NELL1: variants seen among roughly 807,000 people sequenced by gnomAD.
NELL1 encodes the protein neural EGFL like 1, also known as protein kinase C-binding protein NELL1.
Under a neutral mutation model 107.4 loss-of-function variants are expected in NELL1, and 76 were observed. The ratio of observed to expected loss-of-function variants is 0.71; its 90% CI spans 0.59 to 0.86. The LOEUF is 0.86. NELL1 is among the 40% of genes least tolerant of loss of function. NELL1 has a pLI of 0.00. For synonymous variants in NELL1, 353 were observed against 341.2 expected (o/e 1.03, Z -0.38); for missense variants, 1,024 against 1,005.5 (o/e 1.02, Z -0.25).
At chr11:21,039,238 T>A (rs1342327916) in intron 12 of NELL1, among the ~76,000 whole-genome samples, 2 of 151,778 alleles carry the variant, frequency 1.3e-5, no homozygotes, top group Non-Finnish European at 2.9e-5. Context: ...CGGGCTGGAG[T>A]GCACTGGTGC....
At chr11:21,512,892 G>A (rs1855473966) in intron 15 of NELL1, among the ~76,000 whole-genome samples, 1 of 152,126 alleles carries the variant, frequency 6.6e-6, no homozygotes, top group Non-Finnish European at 1.5e-5. Flanking sequence ...TACCGCCAAT[G>A]CTTGAACATG....
At chr11:20,844,018 T>C (rs1848663795) in intron 3 of NELL1, among the ~76,000 whole-genome samples, 1 of 152,206 alleles carries the variant, frequency 6.6e-6, no homozygotes, top group African/African-American at 2.4e-5. Context: ...CATAACATTT[T>C]GTGTTCAAGG....
At chr11:20,964,706 TC>T (rs1225289516) in intron 12 of NELL1, among the ~76,000 whole-genome samples, 3 of 152,182 alleles carry the variant, frequency 2.0e-5, no homozygotes, top group African/African-American at 7.2e-5. Flanking sequence ...TTGGTTGCCC[TC>T]CCGATTTTGC....
At chr11:20,980,033 A>G (rs1315993864) in intron 12 of NELL1, among the ~76,000 whole-genome samples, 5 of 152,166 alleles carry the variant, frequency 3.3e-5, no homozygotes, top group African/African-American at 2.4e-5. Context: ...ATTGGTCAGG[A>G]TGCATTTTTC....
chr11:21,379,682 C>T (rs375980937), intron 15 of NELL1, among the ~76,000 whole-genome samples: 5 of 151,924 alleles, frequency 3.3e-5, no homozygotes, highest in African/African-American at 7.2e-5. Flanking sequence ...ATTTTTTGAA[C>T]CTTTTCTAAA....
chr11:21,051,531 A>G (rs1277820408), intron 12 of NELL1, among the ~76,000 whole-genome samples: 1 of 152,154 alleles, frequency 6.6e-6, no homozygotes, highest in Non-Finnish European at 1.5e-5. Flanking sequence ...AAAACTTGAG[A>G]AAAGTAATAA....
chr11:20,975,967 T>TTA lies in NELL1; in HGVS notation c.1300+15415_1300+15416dup, dbSNP rs888544317. Among the ~76,000 whole-genome samples, 5 of 99,188 alleles carry TTA rather than the reference T, an allele frequency of 5.0e-5. No individual in the cohort carries two copies. In the South Asian group the frequency reaches 1.2e-3, roughly 24 times the overall value. The allele number at this position is 99,188 out of a possible 152,430, so 65.1% of individuals were successfully genotyped here. On this transcript the variant is annotated intron_variant, in intron 12 of 19. Transcript: ENST00000357134. ...TACATATATGTACATTATATATACA[T>TTA]TATATATATTATATCTGTACATATA...
chr11:20,929,969 CA>C (rs971079446), intron 9 of NELL1, among the ~76,000 whole-genome samples: 8 of 93,890 alleles, frequency 8.5e-5, no homozygotes, highest in Admixed American at 2.2e-4. Context: ...GAGTCTGTCT[CA>C]AAAAAAAAAA....
chr11:20,695,099 G>T (rs886981008), intron 2 of NELL1, among the ~76,000 whole-genome samples: 1 of 151,916 alleles, frequency 6.6e-6, no homozygotes, highest in East Asian at 1.9e-4. Context: ...CAGCTTGAAC[G>T]TTACTGTTAT....
At chr11:20,882,832 T>C (rs1249530871) in intron 4 of NELL1, among the ~76,000 whole-genome samples, 2 of 152,240 alleles carry the variant, frequency 1.3e-5, no homozygotes, top group South Asian at 2.1e-4. Context: ...GTATAGCTTT[T>C]ATGTCTTTTT....
In NELL1 at chr11:20,828,449, A is replaced by G. The variant is rs1857932219; in HGVS notation, c.336-19134A>G. Among the ~76,000 whole-genome samples, 3 of 152,332 alleles carry G rather than the reference A, an allele frequency of 2.0e-5. No individual in the cohort carries two copies. In the South Asian group the frequency reaches 6.2e-4, roughly 32 times the overall value. Reference sequence around the variant, plus strand: ...GAGTTAATAATTGAAAAAACTCTCAAGTTTGTCATTACCTTAATGATTGGT... The same window carrying G: ...GAGTTAATAATTGAAAAAACTCTCAGGTTTGTCATTACCTTAATGATTGGT... On this transcript the variant is annotated intron_variant, in intron 3 of 19. Transcript: ENST00000357134.
chr11:21,010,440 G>A (rs1852422522), intron 12 of NELL1, among the ~76,000 whole-genome samples: 1 of 151,998 alleles, frequency 6.6e-6, no homozygotes. Context: ...GAAGCTTCAG[G>A]TGAGGTTTGA....
At chr11:21,250,156 C>A (rs903286688) in intron 14 of NELL1, among the ~76,000 whole-genome samples, 6 of 152,148 alleles carry the variant, frequency 3.9e-5, no homozygotes, top group African/African-American at 1.4e-4. Flanking sequence ...AGGGTTCATT[C>A]TTTGAGTACT....
intron 12 of NELL1, among the ~76,000 whole-genome samples, chr11:21,073,495 A>G (rs1347751085): frequency 6.6e-6 from 1 of 152,198 alleles, no homozygotes; most frequent in Non-Finnish European, 1.5e-5. Context: ...GTAATGGCTT[A>G]GTGTTGAGCC....
chr11:21,041,130 A>G (rs1363081280), intron 12 of NELL1, among the ~76,000 whole-genome samples: 1 of 152,206 alleles, frequency 6.6e-6, no homozygotes, highest in Non-Finnish European at 1.5e-5. Context: ...ATAATTTGAC[A>G]TAGTACAGTG....
chr11:21,275,250 C>T (rs1382946879), intron 14 of NELL1, among the ~76,000 whole-genome samples: 2 of 152,032 alleles, frequency 1.3e-5, no homozygotes, highest in African/African-American at 2.4e-5. Flanking sequence ...TACAAACTAC[C>T]ATCAGAGAAT....
intron 13 of NELL1, among the ~76,000 whole-genome samples, chr11:21,152,902 T>G (rs1414129704): frequency 2.0e-5 from 3 of 152,188 alleles, no homozygotes; most frequent in Non-Finnish European, 4.4e-5. Context: ...TGTTTTCCTG[T>G]TTTTCTGCAT....
chr11:21,439,742 G>A (rs946729613), intron 15 of NELL1, among the ~76,000 whole-genome samples: 8 of 151,990 alleles, frequency 5.3e-5, no homozygotes, highest in East Asian at 3.9e-4. Context: ...AGTGTGATCC[G>A]CATAGAGTTT....
At chr11:21,176,983 A>G (rs1018402093) in intron 13 of NELL1, among the ~76,000 whole-genome samples, 3 of 151,812 alleles carry the variant, frequency 2.0e-5, no homozygotes, top group African/African-American at 7.3e-5. Flanking sequence ...ATTTACAAAA[A>G]ATAATTGTGT....
Sources: allele counts gnomAD v4.1 joint callset (sites outside exome capture counted in the v4.1 genomes callset), GRCh38; gene constraint gnomAD v4.1.1; transcripts MANE v1.5; gene names NCBI Gene and HGNC (gene_info 2026-07-23, HGNC 2026-07-21).